Variants in CTTNBP2 observed in about 807,000 individuals in gnomAD.
The protein encoded by CTTNBP2 is cortactin binding protein 2, also known as cortactin-binding protein 2.
CTTNBP2 carries 108 observed loss-of-function variants against 156.9 expected under a neutral mutation model. The observed-to-expected ratio is 0.69, with a 90% CI of 0.59 to 0.81. CTTNBP2 has a LOEUF of 0.81. CTTNBP2 is among the 30% of genes least tolerant of loss of function. The pLI, the probability that CTTNBP2 is intolerant of heterozygous loss-of-function variation, is 0.00. For synonymous variants in CTTNBP2, 767 were observed against 751.8 expected, an observed-to-expected ratio of 1.02 and a Z score of -0.33; for missense variants, 1,924 against 2,035.4, an observed-to-expected ratio of 0.95 and a Z score of 1.05.
chr7:117,791,729 C>G lies in CTTNBP2; in HGVS notation c.1467G>C (p.Arg489=). The G allele has an allele frequency of 6.2e-7, 1 of 1,614,190 alleles. No individual in the cohort carries two copies. The highest frequency in any genetic ancestry group is 8.5e-7 in the Non-Finnish European group (1 of 1,180,034). Residue 489 remains arginine (R), a synonymous_variant, in exon 4 of 23, where the codon CGG becomes CGC. Transcript: ENST00000160373. Reference sequence around the variant, plus strand: ...TTGACAGTGCTTGGGTCACAGTATTCCGAGCTAGTTGTTTGGCCACTAGGT... The same window carrying G: ...TTGACAGTGCTTGGGTCACAGTATTGCGAGCTAGTTGTTTGGCCACTAGGT... The part of the protein sequence containing the change: ...RDNLVAKQLA[R]NTVTQALSRF...
intron 22 of CTTNBP2, among the ~76,000 whole-genome samples, chr7:117,716,799 C>T (rs111273347): frequency 1.3e-5 from 2 of 152,354 alleles, no homozygotes; most frequent in African/African-American, 4.8e-5. Context: ...CCAATGCATG[C>T]AGCTCACATA....
At position 117,711,361 on chromosome 7, in the gene CTTNBP2, C is replaced by A; in HGVS notation, c.*176G>T. ...AATCCTACAGAATTAAAAAAAAAAG[C>A]AACAAAATGTTGGTTATAAATACAT... On this transcript the variant is annotated 3_prime_UTR_variant, in exon 23 of 23. Transcript: ENST00000160373. 21 of 621,840 alleles carry A rather than the reference C, an allele frequency of 3.4e-5. No individual in the cohort carries two copies. The highest frequency in any genetic ancestry group is 1.6e-4 in the East Asian group (5 of 30,988). The allele number at this position is 621,840 out of a possible 1,614,324, so 38.5% of individuals were successfully genotyped here.
At chr7:117,853,657 T>C (rs747384149) in intron 2 of CTTNBP2, among the ~76,000 whole-genome samples, 2 of 152,174 alleles carry the variant, frequency 1.3e-5, no homozygotes, top group Non-Finnish European at 2.9e-5. Flanking sequence ...CTTCATAGTA[T>C]ACAAAAATAT....
At chr7:117,789,065 T>C (rs966530878) in intron 4 of CTTNBP2, among the ~76,000 whole-genome samples, 1 of 152,192 alleles carries the variant, frequency 6.6e-6, no homozygotes, top group African/African-American at 2.4e-5. Context: ...TATAGCTCTT[T>C]TATGTAAAAT....
At chr7:117,798,347 C>A (rs1041248279) in intron 3 of CTTNBP2, among the ~76,000 whole-genome samples, 2 of 152,030 alleles carry the variant, frequency 1.3e-5, no homozygotes, top group African/African-American at 4.8e-5. Context: ...TGAGAACTAC[C>A]AAACCAATAG....
intron 4 of CTTNBP2, among the ~76,000 whole-genome samples, chr7:117,790,445 T>G (rs530555023): frequency 5.3e-5 from 8 of 152,310 alleles, no homozygotes; most frequent in Middle Eastern, 6.8e-3. Flanking sequence ...AAGCCACACC[T>G]GCAGTGGAAA....
chr7:117,768,393 C>T (rs1797616146), intron 8 of CTTNBP2, among the ~76,000 whole-genome samples: 1 of 151,414 alleles, frequency 6.6e-6, no homozygotes, highest in Non-Finnish European at 1.5e-5. Context: ...ATGGTAAAAC[C>T]CCATCCTACT....
At chr7:117,735,484 A>T (rs1344212174) in intron 14 of CTTNBP2, 63 bp from the exon 15 acceptor site, 17 of 1,434,862 alleles carry the variant, frequency 1.2e-5, no homozygotes, top group Admixed American at 6.3e-5. Context: ...AAATTGGCAA[A>T]ACTAAAAAAG....
intron 16 of CTTNBP2, among the ~76,000 whole-genome samples, chr7:117,732,106 A>G (rs115972106): frequency 6.6e-6 from 1 of 152,164 alleles, no homozygotes; most frequent in East Asian, 1.9e-4. Flanking sequence ...AATGAAAAAC[A>G]ATTTTATTTT....
At chr7:117,819,560 ATGAC>A (rs1800832214) in intron 2 of CTTNBP2, among the ~76,000 whole-genome samples, 1 of 152,170 alleles carries the variant, frequency 6.6e-6, no homozygotes. Context: ...TTCTAGAATT[ATGAC>A]TTAAATGAGA....
Position 117,777,775 on chromosome 7 carries a change from A to C in CTTNBP2, c.2524-10T>G, listed in dbSNP as rs1463683463. The C allele has an allele frequency of 6.2e-7, 1 of 1,601,360 alleles. No homozygotes were observed. The highest frequency in any genetic ancestry group is 1.1e-5 in the South Asian group (1 of 90,198). On this transcript the variant is annotated splice_polypyrimidine_tract_variant and intron_variant, in intron 7 of 22. Coordinates refer to ENST00000160373, the MANE Select transcript of CTTNBP2 (RefSeq NM_033427.3). ...CTGGTGTCCAGCCATCCTGAAAATA[A>C]AATGACCAGGGGGAAAGGGTTGATA...
chr7:117,869,861 C>A (rs533232916), intron 1 of CTTNBP2, among the ~76,000 whole-genome samples: 2 of 152,030 alleles, frequency 1.3e-5, no homozygotes, highest in Admixed American at 1.3e-4. Flanking sequence ...GAAAAATATT[C>A]CAGTCAATTT....
chr7:117,845,868 T>G (rs1267187604), intron 2 of CTTNBP2, among the ~76,000 whole-genome samples: 1 of 152,132 alleles, frequency 6.6e-6, no homozygotes, highest in Non-Finnish European at 1.5e-5. Context: ...CTTTTTTTTT[T>G]GAGATGGAGT....
At chr7:117,809,341 T>C (rs1190871022) in intron 3 of CTTNBP2, among the ~76,000 whole-genome samples, 1 of 152,222 alleles carries the variant, frequency 6.6e-6, no homozygotes, top group Non-Finnish European at 1.5e-5. Flanking sequence ...CAAAGTGTTT[T>C]CTTAATTTTT....
chr7:117,724,181 T>A (rs1794957583), intron 19 of CTTNBP2, among the ~76,000 whole-genome samples: 1 of 152,198 alleles, frequency 6.6e-6, no homozygotes, highest in African/African-American at 2.4e-5. Flanking sequence ...CATATTTTTT[T>A]AATGTAAGAT....
At chr7:117,832,628 C>T (rs73215982) in intron 2 of CTTNBP2, among the ~76,000 whole-genome samples, 2 of 151,236 alleles carry the variant, frequency 1.3e-5, no homozygotes, top group Non-Finnish European at 2.9e-5. Flanking sequence ...TCTTGATGCT[C>T]TACTATCTGA....
At chr7:117,841,366 G>A (rs769065471) in intron 2 of CTTNBP2, among the ~76,000 whole-genome samples, 2 of 151,960 alleles carry the variant, frequency 1.3e-5, no homozygotes, top group Non-Finnish European at 2.9e-5. Flanking sequence ...AGGGTCTTGG[G>A]GATCTTGAAT....
At chr7:117,777,832 A>G (rs1222334317) in intron 7 of CTTNBP2, 67 bp from the exon 8 acceptor site, 5 of 1,461,188 alleles carry the variant, frequency 3.4e-6, no homozygotes, top group Non-Finnish European at 3.7e-6. Context: ...ATATTATTGA[A>G]AGTTCACTTC....
At position 117,792,926 on chromosome 7, in the gene CTTNBP2, G is replaced by C; in HGVS notation, c.415-145C>G. The C allele has an allele frequency of 1.9e-6, 1 of 531,242 alleles. No individual in the cohort carries two copies. Among genetic ancestry groups the C allele is most frequent in the African/African-American group, 1.9e-5 (1 of 51,452 alleles). The allele number at this position is 531,242 out of a possible 1,614,324, so 32.9% of individuals were successfully genotyped here. On this transcript the variant is annotated intron_variant, in intron 3 of 22. Coordinates refer to ENST00000160373, the MANE Select transcript of CTTNBP2 (RefSeq NM_033427.3). This position sits in a 1 kb window ranked among gnomAD's most constrained non-coding sequence, Gnocchi z 4.2. ...ACGCCACATTTTCAAAAAGTGTTGTGATAAGAAATATTTTAAAGACACATT... is the reference window on the plus strand; with the variant it reads ...ACGCCACATTTTCAAAAAGTGTTGTCATAAGAAATATTTTAAAGACACATT...
Sources: gnomAD v4.1 joint callset for allele counts (sites outside exome capture counted in the v4.1 genomes callset) on GRCh38, gnomAD v4.1.1 for gene constraint, Gnocchi (gnomAD v3.1) non-coding constraint, MANE v1.5 for transcripts, NCBI Gene and HGNC (gene_info 2026-07-23, HGNC 2026-07-21) for gene names.